The following DNAJC12 variants were observed in gnomAD, a reference collection of about 807,000 sequenced individuals.
The protein encoded by DNAJC12 is DnaJ heat shock protein family (Hsp40) member C12, also known as dnaJ homolog subfamily C member 12.
DNAJC12 carries 25 observed loss-of-function variants against 28.5 expected under a neutral mutation model. The ratio of observed to expected loss-of-function variants is 0.88; its 90% confidence interval spans 0.64 to 1.22. DNAJC12 has a LOEUF of 1.22. Among genes scored for constraint, DNAJC12 ranks in the 50% most tolerant of loss-of-function variants. DNAJC12 has a pLI of 0.00. For synonymous variants in DNAJC12, 77 were observed against 80.6 expected (o/e 0.95, Z 0.24); for missense variants, 222 against 231.7 (o/e 0.96, Z 0.27).
intron 3 of DNAJC12, among the ~76,000 whole-genome samples, chr10:67,808,180 A>C (rs1199461833): frequency 6.6e-6 from 1 of 152,242 alleles, no homozygotes; most frequent in Non-Finnish European, 1.5e-5. Context: ...GCAGCTACTC[A>C]TTTCAGTAGA....
chr10:67,806,640 CA>C (rs1841803837), intron 3 of DNAJC12, among the ~76,000 whole-genome samples: 1 of 152,072 alleles, frequency 6.6e-6, no homozygotes, highest in Non-Finnish European at 1.5e-5. Context: ...CCTTGGCCAA[CA>C]AGGTGAAACC....
At chr10:67,800,859 G>T (rs1438520193) in intron 4 of DNAJC12, among the ~76,000 whole-genome samples, 1 of 151,752 alleles carries the variant, frequency 6.6e-6, no homozygotes, top group Non-Finnish European at 1.5e-5. Flanking sequence ...CAGGAGAATA[G>T]CTTGACCCGG....
At chr10:67,809,400 C>A (rs555229733) in intron 3 of DNAJC12, among the ~76,000 whole-genome samples, 1 of 152,140 alleles carries the variant, frequency 6.6e-6, no homozygotes, top group Non-Finnish European at 1.5e-5. Flanking sequence ...TTACTGAATC[C>A]TCACTCCAAA....
At chr10:67,805,949 T>A (rs555965721) in intron 3 of DNAJC12, among the ~76,000 whole-genome samples, 162 bp from the exon 4 acceptor site, 1 of 152,360 alleles carries the variant, frequency 6.6e-6, no homozygotes, top group South Asian at 2.1e-4. Flanking sequence ...AATCCAGATA[T>A]TAATTAATCC....
At chr10:67,808,769 T>C (rs1329559784) in intron 3 of DNAJC12, among the ~76,000 whole-genome samples, 1 of 152,222 alleles carries the variant, frequency 6.6e-6, no homozygotes, top group Non-Finnish European at 1.5e-5. Context: ...GGATCAGTGA[T>C]CACCATGAGT....
At chr10:67,827,025 A>G (rs2131811681) in intron 1 of DNAJC12, among the ~76,000 whole-genome samples, 1 of 149,540 alleles carries the variant, frequency 6.7e-6, no homozygotes, top group East Asian at 2.0e-4. Flanking sequence ...TTATACCTAT[A>G]TATCAAAGGT....
chr10:67,804,179 G>T (rs114570378), intron 4 of DNAJC12, among the ~76,000 whole-genome samples: 6,562 of 152,256 alleles, frequency 0.043, 173 homozygotes, highest in South Asian at 0.11. Flanking sequence ...TATACAATGT[G>T]TGTATATACA....
chr10:67,797,691 A>G (rs1452043168), intron 4 of DNAJC12, among the ~76,000 whole-genome samples: 1 of 152,188 alleles, frequency 6.6e-6, no homozygotes, highest in Non-Finnish European at 1.5e-5. Flanking sequence ...TAGAAGTATG[A>G]ATTAGCAAAA....
chr10:67,830,029 T>C (rs1842077454), intron 1 of DNAJC12, among the ~76,000 whole-genome samples: 1 of 152,084 alleles, frequency 6.6e-6, no homozygotes, highest in Non-Finnish European at 1.5e-5. Context: ...TTTAAATTTA[T>C]TGACCTGGGT....
intron 1 of DNAJC12, among the ~76,000 whole-genome samples, chr10:67,826,139 T>TTAAATACCCAAAATGA (rs1842027008): frequency 1.4e-5 from 1 of 72,444 alleles, no homozygotes; most frequent in Non-Finnish European, 3.8e-5. Context: ...ATCTTTTTTT[T>TTAAATACCCAAAATGA]TCTTTTTTTT....
At chr10:67,819,660 G>GAGAGAGAAAGAA (rs1841952463) in intron 2 of DNAJC12, among the ~76,000 whole-genome samples, 1 of 34,908 alleles carries the variant, frequency 2.9e-5, no homozygotes, top group Non-Finnish European at 5.4e-5. Flanking sequence ...AAGAAAGAAA[G>GAGAGAGAAAGAA]AGAAAGAAAG....
chr10:67,811,142 A>G, intron 3 of DNAJC12: 1 of 324,422 alleles, frequency 3.1e-6, no homozygotes, highest in Non-Finnish European at 4.5e-6. Context: ...AGCCTTGAAA[A>G]GAGAGCAAGC....
At chr10:67,836,604 C>A (rs913236935) in intron 1 of DNAJC12, among the ~76,000 whole-genome samples, 13 of 152,042 alleles carry the variant, frequency 8.6e-5, no homozygotes, top group African/African-American at 3.1e-4. Context: ...ATAAGCAAAT[C>A]ACCACCAACA....
intron 3 of DNAJC12, among the ~76,000 whole-genome samples, chr10:67,807,466 T>A (rs1000680071): frequency 5.9e-5 from 9 of 152,018 alleles, no homozygotes; most frequent in African/African-American, 2.2e-4. Context: ...CGTTAATTTT[T>A]AAAAGAGGCA....
At chr10:67,812,128 G>T (rs1454097076) in intron 2 of DNAJC12, among the ~76,000 whole-genome samples, 1 of 151,238 alleles carries the variant, frequency 6.6e-6, no homozygotes, top group African/African-American at 2.4e-5. Flanking sequence ...CATGACTGAG[G>T]CACAATACAG....
chr10:67,819,816 G>GGAAGGAAGGAAT (rs1268302354), intron 2 of DNAJC12, among the ~76,000 whole-genome samples: 28 of 147,914 alleles, frequency 1.9e-4, no homozygotes, highest in African/African-American at 6.8e-4. Context: ...AAGGAAGGAA[G>GGAAGGAAGGAAT]GAATGTTTAT....
chr10:67,833,908 A>G (rs1178849357), intron 1 of DNAJC12: 1 of 480,256 alleles, frequency 2.1e-6, no homozygotes, highest in African/African-American at 2.0e-5. Flanking sequence ...AGTGGTGGCT[A>G]TTACTGAGGT....
intron 1 of DNAJC12, among the ~76,000 whole-genome samples, chr10:67,828,637 A>T (rs964572148): frequency 3.1e-4 from 46 of 149,460 alleles, no homozygotes; most frequent in African/African-American, 1.1e-3. Flanking sequence ...TTAAATTTTA[A>T]AGTGTTAAAT....
chr10:67,835,152 CA>C (rs1166570106), intron 1 of DNAJC12, among the ~76,000 whole-genome samples: 7 of 151,904 alleles, frequency 4.6e-5, no homozygotes, highest in Admixed American at 4.6e-4. Context: ...AACTATATAC[CA>C]AAGCAAAAGT....
Sources: gnomAD v4.1 joint callset for allele counts (sites outside exome capture counted in the v4.1 genomes callset) on GRCh38, gnomAD v4.1.1 for gene constraint, MANE v1.5 for transcripts, NCBI Gene and HGNC (gene_info 2026-07-23, HGNC 2026-07-21) for gene names.